The following DDX54 variants were observed in gnomAD, a reference collection of about 807,000 sequenced individuals.
DDX54 encodes the protein ATP-dependent RNA helicase DDX54.
In DDX54, 67 loss-of-function variants were observed where a neutral mutation model predicts 105.5. That is an observed-to-expected ratio of 0.64 (90% CI 0.52 to 0.78). The LOEUF is 0.78. Among genes scored for constraint, DDX54 ranks in the 30% least tolerant of loss-of-function variants. The pLI, the probability that DDX54 is intolerant of heterozygous loss-of-function variation, is 0.00. For missense variants in DDX54, 1,206 were observed against 1,230.5 expected, an observed-to-expected ratio of 0.98 and a Z score of 0.30; for synonymous variants, 514 against 509.9, an observed-to-expected ratio of 1.01 and a Z score of -0.11.
chr12:113,175,046 A>G lies in DDX54; in HGVS notation c.864T>C (p.Phe288=). ...CCCCAGCTCACGCACCAGCCCGGGC[A>G]AATTCCACCAGCAGTTTGGGCAGCG... ...SATLPKLLVE[F]ARAGLTEPVL... The change falls in exon 8 of 20, where the codon TTT becomes TTC. Residue 288 remains phenylalanine (F), a synonymous_variant. Transcript: ENST00000306014. 1 of 1,604,218 alleles carries G rather than the reference A, an allele frequency of 6.2e-7. No individual in the cohort carries two copies.
In DDX54 at chr12:113,179,330, G is replaced by C. The variant is rs1952440050; in HGVS notation, c.377C>G (p.Thr126Ser). Residue 126 changes from threonine to serine, a missense_variant and splice_region_variant, in exon 4 of 20, where the codon ACC (threonine) becomes AGC (serine). Transcript: ENST00000306014. ...CTTGCCATCCAAGATCACCGGGATG[G>C]TCTGGAGAGGCACAAGCAGGGAAGT... ...YKVPTPIQRK[T>S]IPVILDGKDV... is the part of the protein sequence containing the mutation. 1 of 1,612,418 alleles carries C rather than the reference G, an allele frequency of 6.2e-7. No homozygotes were observed. Among genetic ancestry groups the C allele is most frequent in the South Asian group, 1.1e-5 (1 of 91,064 alleles).
chr12:113,174,546 C>T (rs1041949699), intron 10 of DDX54, 94 bp downstream of exon 10: 3 of 1,515,506 alleles, frequency 2.0e-6, no homozygotes, highest in African/African-American at 2.8e-5. Flanking sequence ...GGCTCCTGGT[C>T]CGCTCTCGTG....
intron 12 of DDX54, chr12:113,167,848 C>T (rs538459231): frequency 1.8e-4 from 78 of 441,726 alleles, no homozygotes; most frequent in South Asian, 8.9e-4. Context: ...AGAGCCTGTA[C>T]GGGGCTGCGT....
At chr12:113,184,649 A>AC (rs763933154) in intron 1 of DDX54, among the ~76,000 whole-genome samples, 104 of 150,162 alleles carry the variant, frequency 6.9e-4, no homozygotes, top group Admixed American at 1.5e-3. Context: ...ACATAGGGAG[A>AC]CCCCCGTCTC....
Position 113,180,947 on chromosome 12 carries a change from C to T in DDX54, c.286G>A (p.Gly96Arg). ...RAQNKKKKKSGGFQSMGLSYP... is the reference protein window; with the variant it reads ...RAQNKKKKKSRGFQSMGLSYP... Reference sequence around the variant, plus strand: ...CACCCACCCATGGACTGGAAGCCTCCAGACTTCTTCTTCTTCTTGTTCTGG... The same window carrying T: ...CACCCACCCATGGACTGGAAGCCTCTAGACTTCTTCTTCTTCTTGTTCTGG... Residue 96 changes from glycine to arginine, a missense_variant, in exon 2 of 20, where the codon GGA becomes AGA. By Grantham distance (125) the Gly-to-Arg change is moderately radical. Around this residue, in one of 3 missense-constraint regions of DDX54, gnomAD observed 212 missense variants for 155.4 expected, o/e 1.36. Transcript: ENST00000306014. 6.2e-7 allele frequency: 1 copy of T among 1,613,154 alleles called. No individual in the cohort carries two copies. Among genetic ancestry groups the T allele is most frequent in the Non-Finnish European group, 8.5e-7 (1 of 1,179,838 alleles).
At chr12:113,172,588 A>G (rs1292322234) in intron 10 of DDX54, 25 bp from the exon 11 acceptor site, 1 of 1,611,754 alleles carries the variant, frequency 6.2e-7, no homozygotes, top group Non-Finnish European at 8.5e-7. Flanking sequence ...GATGGTAGCA[A>G]AGTGAGAAGG....
chr12:113,183,343 A>T (rs557378635), intron 1 of DDX54, among the ~76,000 whole-genome samples: 146 of 152,358 alleles, frequency 9.6e-4, no homozygotes, highest in African/African-American at 3.3e-3. Context: ...TTCTTTGGTA[A>T]TAACCACCTC....
chr12:113,158,813 C>G lies in DDX54; in HGVS notation c.*64G>C. The G allele has an allele frequency of 6.7e-7, 1 of 1,499,674 alleles. No homozygotes were observed. The allele number at this position is 1,499,674 out of a possible 1,614,324, so 92.9% of individuals were successfully genotyped here. On this transcript the variant is annotated 3_prime_UTR_variant, in exon 20 of 20. Coordinates refer to ENST00000306014, the MANE Select transcript of DDX54 (RefSeq NM_024072.4). This position sits in a 1 kb window ranked among gnomAD's most constrained non-coding sequence, Gnocchi z 4.9. ...ACAGGGCCAGGCACACAGTGGTGCA[C>G]GGGAACGTCTGCTGATGCCCACCCT...
intron 19 of DDX54, among the ~76,000 whole-genome samples, chr12:113,160,613 A>G (rs1952191474): frequency 6.6e-6 from 1 of 152,108 alleles, no homozygotes. Context: ...GACCCAGGCC[A>G]GATCAAAGAG....
At chr12:113,184,499 A>G (rs997562981) in intron 1 of DDX54, among the ~76,000 whole-genome samples, 1 of 152,208 alleles carries the variant, frequency 6.6e-6, no homozygotes, top group African/African-American at 2.4e-5. Flanking sequence ...AGGCTCGTAC[A>G]GCTCTTAGCA....
At chr12:113,164,006 TG>T in intron 15 of DDX54, 60 bp downstream of exon 15, 1 of 1,493,246 alleles carries the variant, frequency 6.7e-7, no homozygotes, top group South Asian at 1.3e-5. Context: ...CATGGGCTGC[TG>T]GGACTTAGCC....
At position 113,172,571 on chromosome 12, in the gene DDX54, G is replaced by A. The variant is rs1441466615; in HGVS notation, c.1069-8C>T. ...CCGCTGGGTCGTCAGCAGCTGCTCA[G>A]AGCAAAGATGGTAGCAAAGTGAGAA... is the stretch of plus-strand genomic sequence containing the variant. On this transcript the variant is annotated splice_polypyrimidine_tract_variant and splice_region_variant and intron_variant, in intron 10 of 19. Transcript: ENST00000306014. The A allele has an allele frequency of 4.3e-6, 7 of 1,613,502 alleles. No individual in the cohort carries two copies. Among genetic ancestry groups the A allele is most frequent in the Non-Finnish European group, 5.1e-6 (6 of 1,179,730 alleles).
chr12:113,157,637 G>A lies in DDX54; in HGVS notation c.*1240C>T. The A allele has an allele frequency of 6.4e-7, 1 of 1,551,660 alleles. No individual in the cohort carries two copies. Among genetic ancestry groups the A allele is most frequent in the South Asian group, 1.2e-5 (1 of 84,062 alleles). ...TCATGCAGGACCTCTCTGCCATGCT[G>A]GCCGGCCTGGGTCAGGCTGAGCCTG... On this transcript the variant is annotated 3_prime_UTR_variant, in exon 20 of 20. Transcript: ENST00000306014.
rs770483991 is a variant in DDX54, at chr12:113,164,212, C to T, written c.1793G>A (p.Arg598His). The change falls in exon 15 of 20, where the codon CGC becomes CAC. Residue 598 changes from arginine (R) to histidine (H), a missense_variant. Around this residue, in one of 3 missense-constraint regions of DDX54, gnomAD observed 961 missense variants for 1,019.1 expected, o/e 0.94. Coordinates refer to ENST00000306014, the MANE Select transcript of DDX54 (RefSeq NM_024072.4). Reference protein sequence around the residue: ...QVMRAKRQKDRKAIARFQQGQ... With the variant: ...QVMRAKRQKDHKAIARFQQGQ... ...CTGCTGGAAGCGGGCGATGGCCTTG[C>T]GGTCCTTCTGCCGCTTGGCGCGCAT... 1.8e-5 allele frequency: 28 copies of T among 1,584,274 alleles called. No homozygotes were observed. Among genetic ancestry groups the T allele is most frequent in the South Asian group, 3.4e-5 (3 of 87,152 alleles).
chr12:113,172,269 T>C, intron 11 of DDX54, 84 bp downstream of exon 11: 1 of 1,448,796 alleles, frequency 6.9e-7, no homozygotes, highest in Non-Finnish European at 9.4e-7. Context: ...CCATGTGCAG[T>C]GTCAAGAGTT....
chr12:113,185,111 C>G (rs1354066792), intron 1 of DDX54, among the ~76,000 whole-genome samples, 167 bp downstream of exon 1: 1 of 152,222 alleles, frequency 6.6e-6, no homozygotes, highest in East Asian at 1.9e-4. Context: ...CTGACAAGCC[C>G]CGAGACACGT....
At position 113,163,929 on chromosome 12, in the gene DDX54, C is replaced by T. The variant is rs921625105; in HGVS notation, c.1938+138G>A. On this transcript the variant is annotated intron_variant, in intron 15 of 19. Coordinates refer to ENST00000306014, the MANE Select transcript of DDX54 (RefSeq NM_024072.4). The surrounding 1 kb of genome is among the most constrained non-coding windows in gnomAD (Gnocchi z 5.9). ...GGGATGGTGGACAAGAACCATGCCC[C>T]GACTCTGCAGATGGGAAGCTGACTG... The T allele has an allele frequency of 1.0e-4, 142 of 1,413,294 alleles. No homozygotes were observed. Among genetic ancestry groups the T allele is most frequent in the Non-Finnish European group, 1.2e-4 (133 of 1,081,136 alleles). The allele number at this position is 1,413,294 out of a possible 1,614,324, so 87.5% of individuals were successfully genotyped here.
At chr12:113,174,179 C>CAAAA (rs745618043) in intron 10 of DDX54, among the ~76,000 whole-genome samples, 9 of 109,632 alleles carry the variant, frequency 8.2e-5, no homozygotes, top group East Asian at 5.0e-4. Flanking sequence ...ATACCATTTC[C>CAAAA]AAAAAAAAAA....
At position 113,164,260 on chromosome 12, in the gene DDX54, C is replaced by T. The variant is rs1406096320; in HGVS notation, c.1745G>A (p.Ser582Asn). Residue 582 changes from serine (S) to asparagine (N), a missense_variant, in exon 15 of 20, where the codon AGC (serine) becomes AAC (asparagine). By Grantham distance (46) the Ser-to-Asn change is conservative. This residue lies in a region of DDX54 where 961 missense variants were observed against 1,019.1 expected (regional missense o/e 0.94). Coordinates refer to ENST00000306014, the MANE Select transcript of DDX54 (RefSeq NM_024072.4). ...CATCACCTGGCTGCACAGGTCTCGGCTGGAGGCGTTGATCTCAAAGATAGT... is the reference window on the plus strand; with the variant it reads ...CATCACCTGGCTGCACAGGTCTCGGTTGGAGGCGTTGATCTCAAAGATAGT... ...RATIFEINAS[S>N]RDLCSQVMRA... The T allele has an allele frequency of 8.1e-6, 13 of 1,595,138 alleles. No individual in the cohort carries two copies. The highest frequency in any genetic ancestry group is 1.0e-5 in the Non-Finnish European group (12 of 1,172,354).
Sources: allele counts gnomAD v4.1 joint callset (sites outside exome capture counted in the v4.1 genomes callset), GRCh38; gene constraint gnomAD v4.1.1; regional missense constraint gnomAD v4.1.1; non-coding constraint Gnocchi (gnomAD v3.1); transcripts MANE v1.5; gene names NCBI Gene and HGNC (gene_info 2026-07-23, HGNC 2026-07-21).